The following OR51B5 variants were observed in gnomAD, a reference collection of about 807,000 sequenced individuals.
The protein encoded by OR51B5 is olfactory receptor family 51 subfamily B member 5.
For missense variants in OR51B5, 456 were observed against 374.6 expected, an observed-to-expected ratio of 1.22 and a Z score of -1.79; for synonymous variants, 186 against 144.8, an observed-to-expected ratio of 1.28 and a Z score of -2.04.
At chr11:5,398,877 T>G (rs1345578602) in intron 1 of OR51B5, among the ~76,000 whole-genome samples, 2 of 152,168 alleles carry the variant, frequency 1.3e-5, no homozygotes, top group Non-Finnish European at 2.9e-5. Context: ...CAATTAAACC[T>G]CCTTTGTTAA....
At chr11:5,468,992 G>T (rs1284926634) in intron 1 of OR51B5, 12 of 339,614 alleles carry the variant, frequency 3.5e-5, no homozygotes, top group African/African-American at 2.6e-4. Flanking sequence ...GCCATTGTGG[G>T]CCACACGGAC....
chr11:5,465,420 C>G (rs1851124982), intron 1 of OR51B5, among the ~76,000 whole-genome samples: 1 of 151,944 alleles, frequency 6.6e-6, no homozygotes, highest in Non-Finnish European at 1.5e-5. Flanking sequence ...AAGTGTCAAG[C>G]TACCAATGAC....
intron 1 of OR51B5, among the ~76,000 whole-genome samples, chr11:5,419,422 C>A (rs1440990719): frequency 6.6e-6 from 1 of 152,150 alleles, no homozygotes; most frequent in Non-Finnish European, 1.5e-5. Flanking sequence ...TGGATTCAAC[C>A]AATCTTGGGT....
rs1042131699 is a variant in OR51B5 at position 5,363,428 on chromosome 11, C to T, written n.85-16518G>A. On this transcript the variant is annotated intron_variant and non_coding_transcript_variant, in intron 1 of 4. Transcript: ENST00000415970. ...TCACCAATTAATTGTTCCTTTAAGC[C>T]CTTAACCTCTTGACACACATACACA... Among the ~76,000 whole-genome samples, 6 of 146,532 alleles carry T rather than the reference C, an allele frequency of 4.1e-5. No individual in the cohort carries two copies. The Admixed American group carries it at 4.1e-4, about 10-fold the overall frequency.
intron 1 of OR51B5, among the ~76,000 whole-genome samples, chr11:5,448,990 A>C (rs902670392): frequency 2.0e-5 from 3 of 152,252 alleles, no homozygotes; most frequent in Non-Finnish European, 4.4e-5. Flanking sequence ...GAGTAAAAAT[A>C]GTCACTTTCT....
At chr11:5,456,352 T>C (rs910728279) in intron 1 of OR51B5, 1 of 152,204 alleles carries the variant, frequency 6.6e-6, no homozygotes, top group African/African-American at 2.4e-5. Context: ...TGCACATTTA[T>C]ATTTTTCCCT....
chr11:5,418,370 C>T (rs1200405085), intron 1 of OR51B5, among the ~76,000 whole-genome samples: 1 of 151,936 alleles, frequency 6.6e-6, no homozygotes, highest in Non-Finnish European at 1.5e-5. Context: ...CTAACCTGCA[C>T]ATTGTGCACA....
intron 1 of OR51B5, chr11:5,422,225 C>A (rs763593999): frequency 2.5e-6 from 4 of 1,611,978 alleles, no homozygotes; most frequent in East Asian, 2.2e-5. Context: ...TAACACCACA[C>A]AAGAAGGCAT....
chr11:5,389,763 T>C (rs771445558), intron 1 of OR51B5: 2 of 1,614,014 alleles, frequency 1.2e-6, no homozygotes, highest in African/African-American at 1.3e-5. Flanking sequence ...TTTTCCTTCA[T>C]GGAGTCCTCA....
intron 1 of OR51B5, among the ~76,000 whole-genome samples, chr11:5,370,287 T>C (rs12808928): frequency 0.27 from 41,207 of 152,080 alleles, 5,850 homozygotes; most frequent in African/African-American, 0.33. Context: ...TAAGTGACGA[T>C]AGTATCTTTT....
At chr11:5,366,373 G>A (rs1455440461) in intron 1 of OR51B5, among the ~76,000 whole-genome samples, 2 of 152,114 alleles carry the variant, frequency 1.3e-5, no homozygotes, top group Non-Finnish European at 2.9e-5. Context: ...TTGGGTGGCT[G>A]AGGCAGGAGG....
At chr11:5,471,191 G>T (rs528704364) in intron 1 of OR51B5, among the ~76,000 whole-genome samples, 1 of 152,024 alleles carries the variant, frequency 6.6e-6, no homozygotes, top group South Asian at 2.1e-4. Context: ...TTAGTTATTT[G>T]ATTAGTATCT....
chr11:5,405,320 G>C (rs1362446917), intron 1 of OR51B5, among the ~76,000 whole-genome samples: 1 of 152,070 alleles, frequency 6.6e-6, no homozygotes, highest in African/African-American at 2.4e-5. Context: ...ACCTAGCATT[G>C]GAATGTACCT....
chr11:5,501,210 C>T (rs1162143783), intron 1 of OR51B5, among the ~76,000 whole-genome samples: 2 of 147,438 alleles, frequency 1.4e-5, no homozygotes, highest in Non-Finnish European at 3.0e-5. Flanking sequence ...ACTCCTTACA[C>T]CTGGGAGAAA....
intron 1 of OR51B5, among the ~76,000 whole-genome samples, chr11:5,353,507 A>G (rs571645606): frequency 6.6e-6 from 1 of 152,294 alleles, no homozygotes; most frequent in Non-Finnish European, 1.5e-5. Context: ...GATGGAGGCA[A>G]TGCTCATAAC....
intron 1 of OR51B5, among the ~76,000 whole-genome samples, chr11:5,490,891 G>C (rs1420170634): frequency 1.3e-5 from 2 of 152,198 alleles, no homozygotes. Context: ...CTGGCAGTTG[G>C]TAGTATTCAG....
intron 1 of OR51B5, among the ~76,000 whole-genome samples, chr11:5,374,022 GCCT>G (rs1407997389): frequency 6.6e-6 from 1 of 152,194 alleles, no homozygotes; most frequent in African/African-American, 2.4e-5. Context: ...CGGGCAGACT[GCCT>G]CCTCAAGTGG....
intron 1 of OR51B5, among the ~76,000 whole-genome samples, chr11:5,403,866 G>A (rs1055479818): frequency 2.0e-5 from 3 of 152,124 alleles, no homozygotes; most frequent in African/African-American, 7.2e-5. Flanking sequence ...CTGGGAGTTA[G>A]AAGGTGTAAT....
At chr11:5,345,605 C>T (rs958649439), upstream of OR51B5, among the ~76,000 whole-genome samples, 7 of 152,164 alleles carry the variant, frequency 4.6e-5, no homozygotes, top group Non-Finnish European at 4.4e-5. Context: ...TGAATTAGAG[C>T]AAATGCATCC....
Sources: gnomAD v4.1 joint callset for allele counts (sites outside exome capture counted in the v4.1 genomes callset) on GRCh38, gnomAD v4.1.1 for gene constraint, MANE v1.5 for transcripts, NCBI Gene and HGNC (gene_info 2026-07-23, HGNC 2026-07-21) for gene names.